The following GRM8 variants were observed in gnomAD, a reference collection of about 807,000 sequenced individuals.
GRM8 encodes the protein glutamate metabotropic receptor 8, also known as metabotropic glutamate receptor 8.
In GRM8, 47 loss-of-function variants were observed where a neutral mutation model predicts 87.2. The observed-to-expected ratio is 0.54, with a 90% CI of 0.43 to 0.69. GRM8 has a LOEUF of 0.69. Among genes scored for constraint, GRM8 ranks in the 30% least tolerant of loss-of-function variants. The pLI is 0.00. For synonymous variants in GRM8, 396 were observed against 404.5 expected, an observed-to-expected ratio of 0.98 and a Z score of 0.25; for missense variants, 1,019 against 1,139.2, an observed-to-expected ratio of 0.89 and a Z score of 1.52.
intron 2 of GRM8, among the ~76,000 whole-genome samples, chr7:127,137,030 G>A (rs918238727): frequency 3.3e-5 from 5 of 152,078 alleles, no homozygotes; most frequent in African/African-American, 1.2e-4. Context: ...ACATTGTCCT[G>A]CAAAGGGCAT....
At chr7:126,573,823 G>C (rs116417525) in intron 8 of GRM8, among the ~76,000 whole-genome samples, 1 of 152,066 alleles carries the variant, frequency 6.6e-6, no homozygotes, top group East Asian at 1.9e-4. Flanking sequence ...TGAGAGTCAG[G>C]TGATCCATCC....
At chr7:126,760,160 A>G (rs1452349203) in intron 7 of GRM8, among the ~76,000 whole-genome samples, 1 of 151,966 alleles carries the variant, frequency 6.6e-6, no homozygotes, top group Non-Finnish European at 1.5e-5. Flanking sequence ...ATGGTACTCC[A>G]CCTCTCTCCA....
intron 2 of GRM8, among the ~76,000 whole-genome samples, chr7:127,208,524 T>C (rs1205161178): frequency 6.6e-6 from 1 of 152,176 alleles, no homozygotes. Context: ...GAAACTGACA[T>C]AGCAACGTGT....
intron 6 of GRM8, among the ~76,000 whole-genome samples, chr7:126,861,345 C>T (rs1204514): frequency 0.21 from 32,174 of 151,876 alleles, 3,852 homozygotes; most frequent in East Asian, 0.5. Flanking sequence ...TGGTAATCTA[C>T]ATTGTTTCCA....
intron 7 of GRM8, among the ~76,000 whole-genome samples, chr7:126,639,827 G>A (rs1013842668): frequency 1.2e-4 from 19 of 152,314 alleles, no homozygotes; most frequent in African/African-American, 4.3e-4. Context: ...AGAAGCTGTG[G>A]TGTGAATGAG....
chr7:126,754,264 C>G (rs1348467088), intron 7 of GRM8, among the ~76,000 whole-genome samples: 1 of 151,802 alleles, frequency 6.6e-6, no homozygotes. Flanking sequence ...TATTTAAAAA[C>G]CTGCAATAAA....
In GRM8 at chr7:127,233,822, A is replaced by G. The variant is rs565617167; in HGVS notation, c.510+8873T>C. On this transcript the variant is annotated intron_variant, in intron 2 of 10. Transcript: ENST00000339582. ...TAATGAAGTAATACAGCAGAGACTG[A>G]CCTCATTCTAGAAACAGATAACAGT... Among the ~76,000 whole-genome samples, 6 of 152,312 alleles carry G rather than the reference A, an allele frequency of 3.9e-5. No homozygotes were observed. The South Asian group carries it at 1.2e-3, about 32-fold the overall frequency.
At chr7:126,836,805 C>T (rs1390273224) in intron 6 of GRM8, among the ~76,000 whole-genome samples, 1 of 152,104 alleles carries the variant, frequency 6.6e-6, no homozygotes, top group Non-Finnish European at 1.5e-5. Flanking sequence ...CATCTAATTA[C>T]TCTTTCCCTC....
At chr7:127,011,184 A>G (rs1814855892) in intron 3 of GRM8, among the ~76,000 whole-genome samples, 2 of 152,148 alleles carry the variant, frequency 1.3e-5, no homozygotes, top group Non-Finnish European at 1.5e-5. Flanking sequence ...AAAATAGCAC[A>G]ACCTTAAAAC....
At chr7:127,081,209 C>T (rs1049932252) in intron 3 of GRM8, among the ~76,000 whole-genome samples, 1 of 152,154 alleles carries the variant, frequency 6.6e-6, no homozygotes, top group African/African-American at 2.4e-5. Flanking sequence ...TTTCCCCCAC[C>T]TGCCTCCACC....
chr7:126,997,564 C>T (rs1386701719), intron 3 of GRM8, among the ~76,000 whole-genome samples: 18 of 141,858 alleles, frequency 1.3e-4, no homozygotes, highest in South Asian at 4.4e-4. Context: ...AAAAAAGAGA[C>T]GATCCAAACA....
intron 7 of GRM8, among the ~76,000 whole-genome samples, chr7:126,689,020 A>G (rs1266462922): frequency 6.6e-6 from 1 of 152,126 alleles, no homozygotes; most frequent in Non-Finnish European, 1.5e-5. Flanking sequence ...ACTCTGGAAA[A>G]CAGCTGACAA....
intron 9 of GRM8, among the ~76,000 whole-genome samples, chr7:126,531,801 T>C (rs560046980): frequency 6.6e-6 from 1 of 152,340 alleles, no homozygotes; most frequent in Admixed American, 6.5e-5. Context: ...GAGCTTTCTG[T>C]CCCGTTGTTG....
intron 2 of GRM8, 25 bp from the exon 3 acceptor site, chr7:127,106,737 T>C: frequency 6.8e-7 from 1 of 1,478,786 alleles, no homozygotes. Flanking sequence ...ATGGGTCATT[T>C]CAACCCATGA....
chr7:126,787,909 C>A (rs1452959916), intron 6 of GRM8, among the ~76,000 whole-genome samples: 2 of 152,008 alleles, frequency 1.3e-5, no homozygotes, highest in African/African-American at 4.8e-5. Context: ...CTAAAACTTT[C>A]CGTTTGTGAT....
At chr7:126,961,801 T>C (rs1051101182) in intron 3 of GRM8, among the ~76,000 whole-genome samples, 1 of 152,232 alleles carries the variant, frequency 6.6e-6, no homozygotes, top group African/African-American at 2.4e-5. Context: ...TGATTGGACA[T>C]CTGATAGTCA....
At chr7:126,870,980 T>C (rs1007654911) in intron 6 of GRM8, among the ~76,000 whole-genome samples, 1 of 152,200 alleles carries the variant, frequency 6.6e-6, no homozygotes, top group Non-Finnish European at 1.5e-5. Context: ...GAAAACTTAT[T>C]TTGCTATATC....
At chr7:126,851,398 T>G (rs981266027) in intron 6 of GRM8, among the ~76,000 whole-genome samples, 2 of 152,096 alleles carry the variant, frequency 1.3e-5, no homozygotes, top group Admixed American at 6.6e-5. Context: ...ATAATCCTGT[T>G]AGAAAATAAG....
intron 8 of GRM8, among the ~76,000 whole-genome samples, chr7:126,585,712 A>G (rs1156267422): frequency 6.6e-6 from 1 of 152,188 alleles, no homozygotes; most frequent in South Asian, 2.1e-4. Context: ...TGACAAACCC[A>G]CAGCCAATAT....
Sources: allele counts gnomAD v4.1 joint callset (sites outside exome capture counted in the v4.1 genomes callset), GRCh38; gene constraint gnomAD v4.1.1; transcripts MANE v1.5; gene names NCBI Gene and HGNC (gene_info 2026-07-23, HGNC 2026-07-21).